RP1: variants seen among roughly 807,000 people sequenced by gnomAD.
RP1 encodes the protein oxygen-regulated protein 1.
In RP1, 16 loss-of-function variants were observed where a neutral mutation model predicts 14.8. The ratio of observed to expected loss-of-function variants is 1.08; its 90% CI spans 0.73 to 1.65. The LOEUF is 1.65. RP1 is among the 40% of genes most tolerant of loss of function. The pLI, the probability that RP1 is intolerant of heterozygous loss-of-function variation, is 0.00. For missense variants in RP1, 2,631 were observed against 2,535.0 expected, an observed-to-expected ratio of 1.04 and a Z score of -0.81; for synonymous variants, 876 against 883.6, an observed-to-expected ratio of 0.99 and a Z score of 0.15.
At chr8:54,734,004 T>C (rs1225719462) in intron 17 of RP1, among the ~76,000 whole-genome samples, 1 of 152,168 alleles carries the variant, frequency 6.6e-6, no homozygotes, top group Non-Finnish European at 1.5e-5. Flanking sequence ...TCAGGAACCA[T>C]TTGTATGTGT....
intron 23 of RP1, among the ~76,000 whole-genome samples, chr8:54,777,602 G>A (rs1013573824): frequency 1.3e-5 from 2 of 151,914 alleles, no homozygotes; most frequent in East Asian, 1.9e-4. Context: ...TAGGATTAAT[G>A]ATATTTGTCT....
chr8:54,768,152 T>C (rs550776714), intron 22 of RP1, among the ~76,000 whole-genome samples: 38 of 152,344 alleles, frequency 2.5e-4, no homozygotes, highest in African/African-American at 6.0e-4. Flanking sequence ...TGGAATCTCA[T>C]TGGACTCTGT....
At chr8:54,636,305 A>G (rs749716443) in intron 3 of RP1, among the ~76,000 whole-genome samples, 4 of 152,228 alleles carry the variant, frequency 2.6e-5, no homozygotes, top group Non-Finnish European at 5.9e-5. Context: ...ATCCTTCAGG[A>G]TAAAGAGGCA....
At chr8:54,730,544 T>A (rs1481749741) in intron 17 of RP1, among the ~76,000 whole-genome samples, 1 of 152,102 alleles carries the variant, frequency 6.6e-6, no homozygotes, top group Non-Finnish European at 1.5e-5. Context: ...GGAATACATG[T>A]TTTGGGCATT....
chr8:54,750,350 C>G (rs2129364128), intron 19 of RP1, among the ~76,000 whole-genome samples: 1 of 152,272 alleles, frequency 6.6e-6, no homozygotes, highest in East Asian at 1.9e-4. Flanking sequence ...GTTTTGAGAA[C>G]TAGGCAATTC....
intron 14 of RP1, among the ~76,000 whole-genome samples, chr8:54,702,335 T>C (rs908949429): frequency 6.6e-6 from 1 of 152,232 alleles, no homozygotes; most frequent in African/African-American, 2.4e-5. Context: ...GGTTCATTTC[T>C]AGACCATTGC....
downstream of RP1, among the ~76,000 whole-genome samples, chr8:54,774,581 A>G (rs1731086197): frequency 6.6e-6 from 1 of 152,224 alleles, no homozygotes; most frequent in South Asian, 2.1e-4. Flanking sequence ...CCAGGAAGAC[A>G]GTGCAGTGCT....
At chr8:54,765,749 A>G (rs1196916444) in intron 22 of RP1, among the ~76,000 whole-genome samples, 3 of 152,144 alleles carry the variant, frequency 2.0e-5, no homozygotes, top group Non-Finnish European at 2.9e-5. Context: ...TATCCATGCC[A>G]TGAAGCTTTC....
Position 54,627,605 on chromosome 8 carries a change from C to T in RP1, c.3723C>T (p.Ala1241=). The T allele has an allele frequency of 3.1e-6, 5 of 1,614,168 alleles. No individual in the cohort carries two copies. The highest frequency in any genetic ancestry group is 4.2e-6 in the Non-Finnish European group (5 of 1,179,984). ...GISSLDGGCS[A]SEACAPEVCV... ...CCTCTTTGGATGGAGGTTGCTCTGC[C>T]AGTGAGGCATGTGCCCCTGAAGTCT... The change falls in exon 4 of 4, where the codon GCC becomes GCT. Residue 1241 remains alanine (A), a synonymous_variant. Coordinates refer to ENST00000220676, the MANE Select transcript of RP1 (RefSeq NM_006269.2).
chr8:54,752,366 C>A (rs1234266574), intron 19 of RP1, among the ~76,000 whole-genome samples: 1 of 152,134 alleles, frequency 6.6e-6, no homozygotes, highest in African/African-American at 2.4e-5. Flanking sequence ...GTGAGTTAAA[C>A]CAAGGAATAA....
intron 23 of RP1, among the ~76,000 whole-genome samples, chr8:54,777,651 T>TA (rs1031976102): frequency 3.9e-5 from 6 of 152,098 alleles, no homozygotes; most frequent in East Asian, 3.9e-4. Context: ...ACTTAAAAAT[T>TA]AAAAAAAATC....
chr8:54,706,404 G>T, intron 14 of RP1: 1 of 1,527,916 alleles, frequency 6.5e-7, no homozygotes. Flanking sequence ...ACACGAGCCC[G>T]TTACTGACTG....
intron 19 of RP1, among the ~76,000 whole-genome samples, chr8:54,739,361 A>G (rs574527269): frequency 6.6e-6 from 1 of 152,240 alleles, no homozygotes; most frequent in Admixed American, 6.5e-5. Flanking sequence ...GTTACTTCCC[A>G]ATAAACCCAT....
At chr8:54,726,189 C>T (rs796839607) in intron 16 of RP1, among the ~76,000 whole-genome samples, 5 of 152,286 alleles carry the variant, frequency 3.3e-5, no homozygotes, top group African/African-American at 1.2e-4. Context: ...AAGTCATTTT[C>T]TGTTAACTAT....
chr8:54,715,800 A>G (rs939410312), intron 15 of RP1, among the ~76,000 whole-genome samples: 1 of 152,254 alleles, frequency 6.6e-6, no homozygotes, highest in Admixed American at 6.5e-5. Context: ...ACTGAAATGC[A>G]GAAACTGCTC....
intron 26 of RP1, chr8:54,852,849 G>A (rs1193751549): frequency 5.9e-6 from 4 of 677,418 alleles, no homozygotes. Flanking sequence ...GGAATTCAGG[G>A]AGGTGTGGTC....
chr8:54,563,568 C>T (rs534018783), intron 1 of RP1, among the ~76,000 whole-genome samples: 9 of 151,486 alleles, frequency 5.9e-5, no homozygotes, highest in African/African-American at 1.7e-4. Flanking sequence ...TGTTTGTTTG[C>T]GATGGGGTCT....
intron 3 of RP1, among the ~76,000 whole-genome samples, chr8:54,636,177 G>A (rs1425404697): frequency 1.3e-5 from 2 of 152,210 alleles, no homozygotes; most frequent in African/African-American, 4.8e-5. Context: ...GAGAGTGGCT[G>A]TCTTGACAGG....
At chr8:54,730,009 T>C (rs556938549) in intron 17 of RP1, among the ~76,000 whole-genome samples, 9 of 152,174 alleles carry the variant, frequency 5.9e-5, no homozygotes, top group Admixed American at 5.9e-4. Context: ...TTGTAAATTA[T>C]ATATTGTAAA....
Sources: gnomAD v4.1 joint callset for allele counts (sites outside exome capture counted in the v4.1 genomes callset) on GRCh38, gnomAD v4.1.1 for gene constraint, MANE v1.5 for transcripts, NCBI Gene and HGNC (gene_info 2026-07-23, HGNC 2026-07-21) for gene names.